The following RNF149 variants were observed in gnomAD, a reference collection of about 807,000 sequenced individuals.
The protein encoded by RNF149 is E3 ubiquitin-protein ligase RNF149.
RNF149 carries 21 observed loss-of-function variants against 39.0 expected under a neutral mutation model. The ratio of observed to expected loss-of-function variants is 0.54; its 90% CI spans 0.38 to 0.77. The LOEUF is 0.77. RNF149 is among the 30% of genes least tolerant of loss of function. The pLI is 0.00. For missense variants in RNF149, 493 were observed against 534.9 expected (o/e 0.92, Z 0.77); for synonymous variants, 209 against 213.6 (o/e 0.98, Z 0.19).
rs2104449541 is a variant in RNF149, at chr2:101,308,648, A to AAG, written c.-62_-61dup. 3 of 1,389,374 alleles carry AAG rather than the reference A, an allele frequency of 2.2e-6. No individual in the cohort carries two copies. In the East Asian group the frequency reaches 8.1e-5, roughly 37 times the overall value. The allele number at this position is 1,389,374 out of a possible 1,614,324, so 86.1% of individuals were successfully genotyped here. On this transcript the variant is annotated 5_prime_UTR_variant, in exon 1 of 7. Transcript: ENST00000295317. ...GTCACGCGCGAGTGCGGTGCAGTCG[A>AAG]AGAGCAGAGAGAAGCGGACACCCAC...
intron 3 of RNF149, among the ~76,000 whole-genome samples, chr2:101,290,177 T>C (rs562933477): frequency 5.9e-5 from 9 of 152,346 alleles, no homozygotes; most frequent in African/African-American, 1.9e-4. Flanking sequence ...AGACTCCGTC[T>C]CAAAAAACAA....
At chr2:101,292,637 G>C (rs1312803951) in intron 3 of RNF149, among the ~76,000 whole-genome samples, 1 of 152,136 alleles carries the variant, frequency 6.6e-6, no homozygotes, top group African/African-American at 2.4e-5. Context: ...GTGGTGGCAG[G>C]CGCCTGTAGT....
At chr2:101,282,354 C>T (rs1015523799) in intron 5 of RNF149, among the ~76,000 whole-genome samples, 2 of 152,064 alleles carry the variant, frequency 1.3e-5, no homozygotes, top group Non-Finnish European at 2.9e-5. Flanking sequence ...ACTTCCTTGC[C>T]TTCCCAGACA....
chr2:101,284,125 A>G lies in RNF149; in HGVS notation c.960+1956T>C, dbSNP rs927706543. On this transcript the variant is annotated intron_variant, in intron 5 of 6. Transcript: ENST00000295317. ...ATGTTATGCCATGCTAATCATAGCT[A>G]CAATTACTGAAAACCATGAATATGT... Among the ~76,000 whole-genome samples, 3 of 152,364 alleles carry G rather than the reference A, an allele frequency of 2.0e-5. No homozygotes were observed. In the South Asian group the frequency reaches 6.2e-4, roughly 32 times the overall value.
At chr2:101,282,886 C>T (rs1323922670) in intron 5 of RNF149, among the ~76,000 whole-genome samples, 1 of 152,096 alleles carries the variant, frequency 6.6e-6, no homozygotes, top group African/African-American at 2.4e-5. Context: ...AGAACCTGCC[C>T]CTCCTGCCTC....
chr2:101,283,410 C>G (rs1682667305), intron 5 of RNF149, among the ~76,000 whole-genome samples: 1 of 152,190 alleles, frequency 6.6e-6, no homozygotes, highest in African/African-American at 2.4e-5. Context: ...TGAATGAAAA[C>G]AAGTGACATG....
chr2:101,290,186 A>C (rs1211081865), intron 3 of RNF149, among the ~76,000 whole-genome samples: 1 of 152,268 alleles, frequency 6.6e-6, no homozygotes, highest in Non-Finnish European at 1.5e-5. Flanking sequence ...CTCAAAAAAC[A>C]AAACAAAAAA....
At chr2:101,293,611 T>C (rs1466906411) in intron 3 of RNF149, among the ~76,000 whole-genome samples, 1 of 152,246 alleles carries the variant, frequency 6.6e-6, no homozygotes, top group Non-Finnish European at 1.5e-5. Flanking sequence ...ATTTTCTCCC[T>C]GTAACTAAAG....
At chr2:101,304,738 T>A (rs1281253379) in intron 1 of RNF149, among the ~76,000 whole-genome samples, 1 of 151,564 alleles carries the variant, frequency 6.6e-6, no homozygotes, top group Admixed American at 6.6e-5. Flanking sequence ...CTGATTTAAA[T>A]CCCAAAAGCA....
At chr2:101,306,132 G>C (rs1439977054) in intron 1 of RNF149, among the ~76,000 whole-genome samples, 1 of 152,174 alleles carries the variant, frequency 6.6e-6, no homozygotes, top group Non-Finnish European at 1.5e-5. Context: ...CAAGGTTGCT[G>C]ACCCATGGTT....
chr2:101,298,130 T>C (rs564817317), intron 1 of RNF149, among the ~76,000 whole-genome samples: 24 of 152,290 alleles, frequency 1.6e-4, no homozygotes, highest in Non-Finnish European at 3.4e-4. Context: ...CAATGAGGTA[T>C]CTATAAAGAT....
chr2:101,271,961 G>C (rs151256014), downstream of RNF149, among the ~76,000 whole-genome samples: 1 of 152,300 alleles, frequency 6.6e-6, no homozygotes, highest in East Asian at 1.9e-4. Context: ...TTCGCTGGGA[G>C]AATGATGGTC....
intron 1 of RNF149, among the ~76,000 whole-genome samples, chr2:101,303,122 A>G (rs547808332): frequency 6.6e-6 from 1 of 151,944 alleles, no homozygotes; most frequent in South Asian, 2.1e-4. Flanking sequence ...AATACATTTT[A>G]TTTTATTTTT....
Position 101,276,815 on chromosome 2 carries a change from A to AT in RNF149, c.*422dup, listed in dbSNP as rs1373024378. On this transcript the variant is annotated 3_prime_UTR_variant, in exon 7 of 7. Transcript: ENST00000295317. The stretch of plus-strand genomic sequence containing the variant: ...AAAACCTTTCCTCCAGGGAAAGCCC[A>AT]TGAGATCAATTATCGAATTGAATTA... 2 of 990,116 alleles carry AT rather than the reference A, an allele frequency of 2.0e-6. No individual in the cohort carries two copies. Among genetic ancestry groups the AT allele is most frequent in the Non-Finnish European group, 2.4e-6 (2 of 832,386 alleles). The allele number at this position is 990,116 out of a possible 1,614,324, so 61.3% of individuals were successfully genotyped here. A position where few individuals can be genotyped will look rare whatever the true frequency, so the allele number is the denominator to read the frequency against.
chr2:101,308,678 G>C lies in RNF149; in HGVS notation c.-90C>G, dbSNP rs534236770. ...CAGAGAGAAGCGGACACCCACCGCC[G>C]CCCTGGAAGACTGAGGCGGGGTCGG... On this transcript the variant is annotated 5_prime_UTR_variant, in exon 1 of 7. Transcript: ENST00000295317. 3.3e-6 allele frequency: 4 copies of C among 1,213,464 alleles called. No homozygotes were observed. The highest frequency in any genetic ancestry group is 3.3e-6 in the Non-Finnish European group (3 of 913,904). 75.2% of individuals were successfully genotyped at this position (1,213,464 alleles called of 1,614,324 possible). A position where few individuals can be genotyped will look rare whatever the true frequency, so the allele number is the denominator to read the frequency against.
chr2:101,297,347 G>A lies in RNF149; in HGVS notation c.461-2166C>T, dbSNP rs1417495433. Among the ~76,000 whole-genome samples the A allele has an allele frequency of 6.6e-5, 10 of 152,010 alleles. 1 individual carries two copies. Among genetic ancestry groups the A allele is most frequent in the East Asian group, 1.9e-4 (1 of 5,196 alleles). Reference sequence around the variant, plus strand: ...GATTTGCAGAAAAGAAAATAAAAACGGTTTTTTGTTTTGTTTTTATTTTTA... The same window carrying A: ...GATTTGCAGAAAAGAAAATAAAAACAGTTTTTTGTTTTGTTTTTATTTTTA... On this transcript the variant is annotated intron_variant, in intron 1 of 6. Coordinates refer to ENST00000295317, the MANE Select transcript of RNF149 (RefSeq NM_173647.4).
chr2:101,295,451 G>A (rs1432781147), intron 1 of RNF149, among the ~76,000 whole-genome samples: 2 of 152,044 alleles, frequency 1.3e-5, no homozygotes, highest in South Asian at 4.1e-4. Flanking sequence ...CACTAGGTGA[G>A]GAGTTTGAGA....
chr2:101,282,127 G>T, intron 5 of RNF149, 70 bp from the exon 6 acceptor site: 1 of 1,580,250 alleles, frequency 6.3e-7, no homozygotes. Flanking sequence ...TGTATCATCT[G>T]GCTCGTAATT....
intron 3 of RNF149, among the ~76,000 whole-genome samples, chr2:101,292,714 C>T (rs1255767633): frequency 1.3e-5 from 2 of 151,902 alleles, no homozygotes; most frequent in African/African-American, 2.4e-5. Flanking sequence ...TGCAGTGAGC[C>T]GAGATTGCGC....
Sources: allele counts gnomAD v4.1 joint callset (sites outside exome capture counted in the v4.1 genomes callset), GRCh38; gene constraint gnomAD v4.1.1; transcripts MANE v1.5; gene names NCBI Gene and HGNC (gene_info 2026-07-23, HGNC 2026-07-21).